The following LGSN variants were observed in gnomAD, a reference collection of about 807,000 sequenced individuals.
The protein encoded by LGSN is lengsin, lens protein with glutamine synthetase domain.
LGSN carries 21 observed loss-of-function variants against 19.5 expected under a neutral mutation model. The ratio of observed to expected loss-of-function variants is 1.07; its 90% CI spans 0.76 to 1.55. The LOEUF is 1.55. LGSN is among the 40% of genes most tolerant of loss of function. The pLI, the probability that LGSN is intolerant of heterozygous loss-of-function variation, is 0.00. For missense variants in LGSN, 673 were observed against 608.5 expected, an observed-to-expected ratio of 1.11 and a Z score of -1.12; for synonymous variants, 257 against 215.6, an observed-to-expected ratio of 1.19 and a Z score of -1.68.
chr6:63,389,908 T>C, the LGSN span, among the ~76,000 whole-genome samples: 11 of 151,920 alleles, frequency 7.2e-5, no homozygotes, highest in African/African-American at 2.7e-4. Flanking sequence ...TCAAAGTTTA[T>C]CTCCTTTTTC....
chr6:63,560,707 A>G, the LGSN span, among the ~76,000 whole-genome samples: 1 of 152,158 alleles, frequency 6.6e-6, no homozygotes, highest in Non-Finnish European at 1.5e-5. Flanking sequence ...CCCAGCCACA[A>G]AGCCTAATTT....
chr6:63,346,846 G>A, the LGSN span, among the ~76,000 whole-genome samples: 148 of 152,238 alleles, frequency 9.7e-4, 1 homozygote, highest in African/African-American at 3.3e-3. Flanking sequence ...GTTAATGCTC[G>A]GTCATGCCTT....
the LGSN span, among the ~76,000 whole-genome samples, chr6:63,477,691 T>TC: frequency 1.8e-5 from 2 of 108,808 alleles, no homozygotes; most frequent in Non-Finnish European, 3.4e-5. Flanking sequence ...TTTTTTCTTT[T>TC]TTTTTTTTTT....
intron 1 of LGSN, among the ~76,000 whole-genome samples, chr6:63,304,672 A>G (rs542626247): frequency 7.2e-5 from 11 of 152,326 alleles, no homozygotes; most frequent in Middle Eastern, 3.4e-3. Flanking sequence ...GCATACTCCA[A>G]ATTCTTGGTA....
chr6:63,361,347 C>T, the LGSN span, among the ~76,000 whole-genome samples: 1 of 152,176 alleles, frequency 6.6e-6, no homozygotes, highest in Non-Finnish European at 1.5e-5. Flanking sequence ...ACTCAAGCCT[C>T]GGCAATGGTG....
Position 63,280,291 on chromosome 6 carries a change from C to A in LGSN, c.1260G>T (p.Leu420=), listed in dbSNP as rs773859678. Reference sequence around the variant, plus strand: ...CTAAGCCGGCAGCAACAGTTGCAGCCAGCACCAAGTAAGGGTTTGCTGTTG... The same window carrying A: ...CTAAGCCGGCAGCAACAGTTGCAGCAAGCACCAAGTAAGGGTTTGCTGTTG... ...GSATANPYLV[L]AATVAAGLDG... The change falls in exon 4 of 4, where the codon CTG becomes CTT. Residue 420 remains leucine (L), a synonymous_variant. Coordinates refer to ENST00000370657, the MANE Select transcript of LGSN (RefSeq NM_016571.3). 3.0e-5 allele frequency: 49 copies of A among 1,614,084 alleles called. No individual in the cohort carries two copies. The South Asian group carries it at 4.4e-4, about 14-fold the overall frequency.
At chr6:63,472,766 C>T in the LGSN span, among the ~76,000 whole-genome samples, 6 of 151,898 alleles carry the variant, frequency 4.0e-5, no homozygotes, top group Non-Finnish European at 5.9e-5. Context: ...CAGTGAAACC[C>T]TGTCTCTACT....
At chr6:63,572,803 C>T in the LGSN span, 1 of 397,336 alleles carries the variant, frequency 2.5e-6, no homozygotes, top group Non-Finnish European at 4.4e-6. Context: ...GTTCGGAGCC[C>T]GGCGTCTCCT....
At chr6:63,376,948 T>C in the LGSN span, among the ~76,000 whole-genome samples, 1 of 152,178 alleles carries the variant, frequency 6.6e-6, no homozygotes, top group African/African-American at 2.4e-5. Flanking sequence ...AAGAAAAATA[T>C]AGTATTTGAA....
chr6:63,372,282 C>A, the LGSN span, among the ~76,000 whole-genome samples: 6 of 152,152 alleles, frequency 3.9e-5, no homozygotes, highest in Admixed American at 3.3e-4. Context: ...AAACTAATAC[C>A]CCATGAAGTA....
In LGSN at chr6:63,313,867, AATAC is replaced by A. The variant is rs1187994076; in HGVS notation, c.30+6043_30+6046del. On this transcript the variant is annotated intron_variant, in intron 1 of 3. Transcript: ENST00000370657. ...AAATAAATAAATAAATAAATAAATA[AATAC>A]ATACATACATACATACATACATGCA... Among the ~76,000 whole-genome samples the A allele has an allele frequency of 8.8e-3, 781 of 88,910 alleles. 4 individuals carry two copies. Among genetic ancestry groups the A allele is most frequent in the African/African-American group, 0.018 (455 of 25,254 alleles). 58.3% of individuals were successfully genotyped at this position (88,910 alleles called of 152,430 possible).
chr6:63,373,859 C>A, the LGSN span, among the ~76,000 whole-genome samples: 1 of 151,712 alleles, frequency 6.6e-6, no homozygotes, highest in African/African-American at 2.4e-5. Context: ...GGCTTGAACC[C>A]AGGAGCTGGA....
the LGSN span, among the ~76,000 whole-genome samples, chr6:63,487,927 C>G: frequency 6.6e-6 from 1 of 151,808 alleles, no homozygotes; most frequent in Non-Finnish European, 1.5e-5. Context: ...TTGCAGTGAG[C>G]CGAGATCACG....
chr6:63,400,630 A>G, the LGSN span, among the ~76,000 whole-genome samples: 3 of 152,228 alleles, frequency 2.0e-5, no homozygotes, highest in East Asian at 1.9e-4. Flanking sequence ...GGGGCATTTC[A>G]TATGAAGAGT....
At chr6:63,353,802 A>G in the LGSN span, among the ~76,000 whole-genome samples, 1 of 152,112 alleles carries the variant, frequency 6.6e-6, no homozygotes, top group Non-Finnish European at 1.5e-5. Flanking sequence ...ACTGACACAT[A>G]GACCAATGAA....
At chr6:63,436,711 C>A in the LGSN span, among the ~76,000 whole-genome samples, 1 of 152,178 alleles carries the variant, frequency 6.6e-6, no homozygotes, top group East Asian at 1.9e-4. Flanking sequence ...GTTTGGACAC[C>A]CAAGAATTCC....
chr6:63,536,598 G>C, the LGSN span, among the ~76,000 whole-genome samples: 1 of 152,120 alleles, frequency 6.6e-6, no homozygotes, highest in African/African-American at 2.4e-5. Context: ...TTTTAAAATT[G>C]ATGTATGACT....
chr6:63,377,652 C>T, the LGSN span, among the ~76,000 whole-genome samples: 2 of 152,088 alleles, frequency 1.3e-5, no homozygotes, highest in Non-Finnish European at 2.9e-5. Flanking sequence ...GTGGCTCACA[C>T]CTGTAATCCC....
chr6:63,337,945 G>A, the LGSN span, among the ~76,000 whole-genome samples: 2 of 151,982 alleles, frequency 1.3e-5, no homozygotes, highest in East Asian at 3.9e-4. Flanking sequence ...GAGTGCAGTG[G>A]TGCAATCTTG....
Sources: allele counts gnomAD v4.1 joint callset (sites outside exome capture counted in the v4.1 genomes callset), GRCh38; gene constraint gnomAD v4.1.1; transcripts MANE v1.5; gene names NCBI Gene and HGNC (gene_info 2026-07-23, HGNC 2026-07-21).